The following RALGAPA2 variants were observed in gnomAD, a reference collection of about 807,000 sequenced individuals.
RALGAPA2 encodes the protein Ral GTPase activating protein catalytic subunit alpha 2.
Under a neutral mutation model 230.4 loss-of-function variants are expected in RALGAPA2, and 139 were observed. That is an observed-to-expected ratio of 0.60 (90% CI 0.53 to 0.69). The LOEUF (loss-of-function observed/expected upper bound fraction) is 0.69. Among genes scored for constraint, RALGAPA2 ranks in the 30% least tolerant of loss-of-function variants. The pLI is 0.00. For missense variants in RALGAPA2, 2,163 were observed against 2,276.0 expected (o/e 0.95, Z 1.01); for synonymous variants, 847 against 837.8 (o/e 1.01, Z -0.19).
intron 1 of RALGAPA2, among the ~76,000 whole-genome samples, chr20:20,682,197 T>G (rs766005898): frequency 3.3e-4 from 50 of 152,186 alleles, no homozygotes; most frequent in Non-Finnish European, 5.7e-4. Context: ...TCACACTATA[T>G]TTACTGCACC....
intron 38 of RALGAPA2, among the ~76,000 whole-genome samples, chr20:20,397,182 C>T (rs1194684132): frequency 3.3e-5 from 5 of 152,210 alleles, no homozygotes; most frequent in Admixed American, 6.5e-5. Context: ...CCTAGGTGGG[C>T]AAGTTTACAT....
In RALGAPA2 at chr20:20,475,716, T is replaced by C. The variant is rs192155513; in HGVS notation, c.5368-2760A>G. 2.0e-4 allele frequency among the ~76,000 whole-genome samples: 30 copies of C among 152,248 alleles called. No homozygotes were observed. In the East Asian group the frequency reaches 3.7e-3, roughly 19 times the overall value. On this transcript the variant is annotated intron_variant, in intron 36 of 39. Coordinates refer to ENST00000202677, the MANE Select transcript of RALGAPA2 (RefSeq NM_020343.4). ...CTATGTTCACCTCTTCTACTCAACA[T>C]TTTTGAAGATCCTAGTCACTACAAT...
rs558722630 is a variant in RALGAPA2 at position 20,436,127 on chromosome 20, G to A, written c.5496-23979C>T. 1.7e-4 allele frequency among the ~76,000 whole-genome samples: 26 copies of A among 152,220 alleles called. No homozygotes were observed. In the South Asian group the frequency reaches 3.7e-3, roughly 22 times the overall value. On this transcript the variant is annotated intron_variant, in intron 37 of 39. Coordinates refer to ENST00000202677, the MANE Select transcript of RALGAPA2 (RefSeq NM_020343.4). ...CCCGCTGGGCCCCAGACATTTCCCC[G>A]TCTGTCTGCCTAAATCACAGACCTG...
chr20:20,424,256 T>C lies in RALGAPA2; in HGVS notation c.5496-12108A>G, dbSNP rs2122890563. 1.3e-5 allele frequency among the ~76,000 whole-genome samples: 2 copies of C among 152,300 alleles called. 1 individual carries two copies. Among genetic ancestry groups the C allele is most frequent in the South Asian group, 4.1e-4 (2 of 4,824 alleles). On this transcript the variant is annotated intron_variant, in intron 37 of 39. Coordinates refer to ENST00000202677, the MANE Select transcript of RALGAPA2 (RefSeq NM_020343.4). ...CCCAGTGCACCTCACCTTCTGCAAATCACCAAGTGAGAAAATGCCCCGTGA... is the reference window on the plus strand; with the variant it reads ...CCCAGTGCACCTCACCTTCTGCAAACCACCAAGTGAGAAAATGCCCCGTGA...
At chr20:20,458,826 A>ATATATATATAGACC (rs1240992871) in intron 37 of RALGAPA2, among the ~76,000 whole-genome samples, 2 of 6,554 alleles carry the variant, frequency 3.1e-4, no homozygotes, top group African/African-American at 1.2e-3. Context: ...ATAGACCTAT[A>ATATATATATAGACC]TATATATATA....
chr20:20,504,025 A>C (rs2062457094), intron 34 of RALGAPA2, among the ~76,000 whole-genome samples: 3 of 152,240 alleles, frequency 2.0e-5, no homozygotes, highest in South Asian at 4.1e-4. Context: ...AAGTTACGGC[A>C]TGAGTGTTCA....
chr20:20,645,945 T>C (rs1304996598), intron 4 of RALGAPA2, among the ~76,000 whole-genome samples: 1 of 151,178 alleles, frequency 6.6e-6, no homozygotes, highest in East Asian at 2.0e-4. Flanking sequence ...AAGGAACTCT[T>C]TTTTAATAAT....
intron 36 of RALGAPA2, among the ~76,000 whole-genome samples, chr20:20,489,749 TTGTGTGCACC>T (rs1385481680): frequency 2.6e-5 from 4 of 152,158 alleles, no homozygotes; most frequent in African/African-American, 9.7e-5. Flanking sequence ...GTGGCTGACA[TTGTGTGCACC>T]TGTGTGCAGG....
intron 18 of RALGAPA2, among the ~76,000 whole-genome samples, chr20:20,585,545 A>T (rs780915640): frequency 2.0e-5 from 3 of 152,252 alleles, no homozygotes; most frequent in Non-Finnish European, 4.4e-5. Flanking sequence ...ATTATAATGT[A>T]TATAAGCAAA....
chr20:20,440,425 C>T (rs117445461), intron 37 of RALGAPA2, among the ~76,000 whole-genome samples: 1,599 of 152,244 alleles, frequency 0.011, 14 homozygotes, highest in Non-Finnish European at 0.013. Flanking sequence ...AACTTCCCAG[C>T]CTGTATTAAA....
intron 5 of RALGAPA2, among the ~76,000 whole-genome samples, chr20:20,642,087 T>C (rs2067047235): frequency 8.4e-6 from 1 of 118,680 alleles, no homozygotes; most frequent in African/African-American, 3.2e-5. Flanking sequence ...AACATTACTA[T>C]TCAGCCATCA....
chr20:20,524,246 G>A (rs760834649), intron 30 of RALGAPA2, among the ~76,000 whole-genome samples, 160 bp downstream of exon 30: 8 of 152,144 alleles, frequency 5.3e-5, no homozygotes, highest in African/African-American at 7.2e-5. Context: ...GTGAGCTACC[G>A]TGCCCAGCCA....
chr20:20,607,374 T>C (rs1426333060), intron 14 of RALGAPA2, among the ~76,000 whole-genome samples: 1 of 152,160 alleles, frequency 6.6e-6, no homozygotes, highest in Non-Finnish European at 1.5e-5. Flanking sequence ...CTAAAGTAGT[T>C]AATTATATAA....
chr20:20,611,263 C>G, intron 14 of RALGAPA2, 52 bp downstream of exon 14: 1 of 1,536,384 alleles, frequency 6.5e-7, no homozygotes, highest in Non-Finnish European at 8.8e-7. Flanking sequence ...TAGTTTGCTA[C>G]AAAATCTGAT....
intron 33 of RALGAPA2, among the ~76,000 whole-genome samples, chr20:20,506,515 T>G (rs373756326): frequency 6.6e-6 from 1 of 152,190 alleles, no homozygotes; most frequent in East Asian, 1.9e-4. Context: ...TACGAATCAT[T>G]CATTCCCTAG....
intron 24 of RALGAPA2, among the ~76,000 whole-genome samples, chr20:20,539,724 A>G (rs1418585803): frequency 7.9e-5 from 12 of 152,176 alleles, no homozygotes; most frequent in Non-Finnish European, 1.5e-5. Context: ...TTCATTCGGC[A>G]TAACTGAAAC....
At chr20:20,572,696 T>C (rs1297648769) in intron 21 of RALGAPA2, among the ~76,000 whole-genome samples, 179 bp downstream of exon 21, 1 of 152,196 alleles carries the variant, frequency 6.6e-6, no homozygotes, top group Non-Finnish European at 1.5e-5. Context: ...GAAATAACTT[T>C]TGCATTTATA....
intron 33 of RALGAPA2, among the ~76,000 whole-genome samples, chr20:20,510,588 A>C (rs2062675448): frequency 6.6e-6 from 1 of 152,072 alleles, no homozygotes; most frequent in Admixed American, 6.5e-5. Flanking sequence ...ATTCTCTTCG[A>C]AACTTTGGAA....
intron 37 of RALGAPA2, among the ~76,000 whole-genome samples, chr20:20,462,100 A>T (rs2061316072): frequency 6.6e-6 from 1 of 152,250 alleles, no homozygotes; most frequent in African/African-American, 2.4e-5. Context: ...CATTAGAAAA[A>T]ATAAGCTAAG....
Sources: gnomAD v4.1 joint callset for allele counts (sites outside exome capture counted in the v4.1 genomes callset) on GRCh38, gnomAD v4.1.1 for gene constraint, MANE v1.5 for transcripts, NCBI Gene and HGNC (gene_info 2026-07-23, HGNC 2026-07-21) for gene names.